Variants in MRPS23 observed in about 807,000 individuals in gnomAD.
The protein encoded by MRPS23 is mitochondrial ribosomal protein S23.
MRPS23 carries 14 observed loss-of-function variants against 19.8 expected under a neutral mutation model. The observed-to-expected ratio is 0.71, with a 90% confidence interval of 0.47 to 1.11. MRPS23 has a LOEUF of 1.11. Ranked by LOEUF, MRPS23 falls within the 50% of genes least tolerant of loss-of-function variation. The probability of loss-of-function intolerance (pLI) is 0.00; values close to 1 mark genes in which losing one functional copy is unlikely to be tolerated. For synonymous variants in MRPS23, 113 were observed against 89.7 expected, an observed-to-expected ratio of 1.26 and a Z score of -1.47; for missense variants, 242 against 236.7, an observed-to-expected ratio of 1.02 and a Z score of -0.15.
rs1435930893 is a variant in MRPS23, at chr17:57,841,211, T to C, written c.265A>G (p.Asn89Asp). The change falls in exon 3 of 5, where the codon AAT becomes GAT. Residue 89 changes from asparagine to aspartate, a missense_variant. Coordinates refer to ENST00000313608, the MANE Select transcript of MRPS23 (RefSeq NM_016070.4). ...TGACAGGTAGACTTGAAGTTTGGAT[T>C]GAATAGATCAAAAGCTCTTTGACCA... is the stretch of plus-strand genomic sequence containing the variant. ...GSGQRAFDLF[N>D]PNFKSTCQRF... 1.2e-6 allele frequency: 2 copies of C among 1,614,056 alleles called. No homozygotes were observed. The highest frequency in any genetic ancestry group is 1.7e-6 in the Non-Finnish European group (2 of 1,180,036).
intron 2 of MRPS23, among the ~76,000 whole-genome samples, chr17:57,848,208 C>G (rs7210267): frequency 0.17 from 26,261 of 152,000 alleles, 2,265 homozygotes; most frequent in Middle Eastern, 0.21. Flanking sequence ...AGGCACAAGC[C>G]ACCACATCCA....
chr17:57,839,072 G>A lies in MRPS23; in HGVS notation c.*711C>T, dbSNP rs1207108411. On this transcript the variant is annotated 3_prime_UTR_variant, in exon 5 of 5. Transcript: ENST00000313608. ...ACCTAAATTAGCTGCCTCCTTTCTT[G>A]GCAATCCTGTTATCTACACCATATG... The A allele has an allele frequency of 6.6e-6, 1 of 152,176 alleles. No individual in the cohort carries two copies. Among genetic ancestry groups the A allele is most frequent in the Non-Finnish European group, 1.5e-5 (1 of 68,030 alleles). 9.4% of individuals were successfully genotyped at this position (152,176 alleles called of 1,614,324 possible). A position where few individuals can be genotyped will look rare whatever the true frequency, so the allele number is the denominator to read the frequency against.
chr17:57,841,355 G>C, intron 2 of MRPS23, 95 bp from the exon 3 acceptor site: 1 of 1,335,136 alleles, frequency 7.5e-7, no homozygotes, highest in Non-Finnish European at 1.1e-6. Flanking sequence ...AGGCACTGAG[G>C]AGTTAAGTAC....
At chr17:57,846,455 G>A (rs2073776357) in intron 2 of MRPS23, among the ~76,000 whole-genome samples, 1 of 152,228 alleles carries the variant, frequency 6.6e-6, no homozygotes, top group Non-Finnish European at 1.5e-5. Flanking sequence ...GATGACGATG[G>A]GGGTTTTGTC....
At chr17:57,842,876 AAAAAT>A (rs1398912038) in intron 2 of MRPS23, among the ~76,000 whole-genome samples, 6 of 101,946 alleles carry the variant, frequency 5.9e-5, no homozygotes, top group Non-Finnish European at 2.0e-5. Flanking sequence ...AAAAAAAAAA[AAAAAT>A]ATATATATAT....
intron 2 of MRPS23, among the ~76,000 whole-genome samples, chr17:57,845,201 A>C (rs911576205): frequency 8.5e-5 from 13 of 152,212 alleles, no homozygotes; most frequent in African/African-American, 3.1e-4. Flanking sequence ...AAATGATTTT[A>C]ATGTATCAAT....
chr17:57,841,077 T>A, intron 3 of MRPS23, 25 bp from the exon 4 acceptor site: 3 of 1,613,254 alleles, frequency 1.9e-6, no homozygotes, highest in Non-Finnish European at 2.5e-6. Context: ...AGTCACATTT[T>A]AGGTATGTTT....
chr17:57,847,726 T>TC (rs2073785952), intron 2 of MRPS23, among the ~76,000 whole-genome samples: 2 of 149,806 alleles, frequency 1.3e-5, no homozygotes, highest in Admixed American at 1.3e-4. Flanking sequence ...AGACAGGGTC[T>TC]CCCTCTGTTG....
rs960531482 is a variant in MRPS23 at position 57,847,216 on chromosome 17, C to G, written c.215+2024G>C. Among the ~76,000 whole-genome samples, 27 of 151,380 alleles carry G rather than the reference C, an allele frequency of 1.8e-4. 1 individual carries two copies. Among genetic ancestry groups the G allele is most frequent in the African/African-American group, 6.1e-4 (25 of 41,254 alleles). On this transcript the variant is annotated intron_variant, in intron 2 of 4. Coordinates refer to ENST00000313608, the MANE Select transcript of MRPS23 (RefSeq NM_016070.4). ...GCTGAGGCAGGAGAACAGCTTGAAC[C>G]CGGGAGGTGGAGGTTGCATGGGGCT...
rs781383231 is a variant in MRPS23, at chr17:57,839,807, C to T, written c.549G>A (p.Gln183=). 31 of 1,614,032 alleles carry T rather than the reference C, an allele frequency of 1.9e-5. 1 individual carries two copies. The South Asian group carries it at 3.2e-4, about 17-fold the overall frequency. The change falls in exon 5 of 5, where the codon CAG becomes CAA. Residue 183 remains glutamine, a synonymous_variant. Coordinates refer to ENST00000313608, the MANE Select transcript of MRPS23 (RefSeq NM_016070.4). Reference sequence around the variant, plus strand: ...TTCAGGGAGGCAAGAGACCTTTCGACTGGTCTGCAGGTGCCTCCAAATGCT... The same window carrying T: ...TTCAGGGAGGCAAGAGACCTTTCGATTGGTCTGCAGGTGCCTCCAAATGCT... ...QDQHLEAPAD[Q]SKGLLPP
chr17:57,838,834 C>T lies in MRPS23; in HGVS notation c.*949G>A, dbSNP rs1027663689. 4 of 152,248 alleles carry T rather than the reference C, an allele frequency of 2.6e-5. No individual in the cohort carries two copies. Among genetic ancestry groups the T allele is most frequent in the African/African-American group, 9.7e-5 (4 of 41,444 alleles). 9.4% of individuals were successfully genotyped at this position (152,248 alleles called of 1,614,324 possible). A position where few individuals can be genotyped will look rare whatever the true frequency, so the allele number is the denominator to read the frequency against. The stretch of plus-strand genomic sequence containing the variant: ...CACAAAGAATCACTGGGTAGAAAAT[C>T]TACATGAGTTTTAAAATAGGGAATT... On this transcript the variant is annotated 3_prime_UTR_variant, in exon 5 of 5. Coordinates refer to ENST00000313608, the MANE Select transcript of MRPS23 (RefSeq NM_016070.4).
rs900956473 is a variant in MRPS23 at position 57,835,268 on chromosome 17, G to A, written c.*4515C>T. 7 of 152,204 alleles carry A rather than the reference G, an allele frequency of 4.6e-5. No homozygotes were observed. The highest frequency in any genetic ancestry group is 8.8e-5 in the Non-Finnish European group (6 of 68,044). The allele number at this position is 152,204 out of a possible 1,614,324, so 9.4% of individuals were successfully genotyped here. ...ACCATCACCTTCAACTTAGTAGGTTGAGAATTGAAGCTCTCTCCCAGGAGA... is the reference window on the plus strand; with the variant it reads ...ACCATCACCTTCAACTTAGTAGGTTAAGAATTGAAGCTCTCTCCCAGGAGA... On this transcript the variant is annotated 3_prime_UTR_variant, in exon 5 of 5. Transcript: ENST00000313608.
At chr17:57,842,885 T>TACAC (rs1401795190) in intron 2 of MRPS23, among the ~76,000 whole-genome samples, 65 of 109,324 alleles carry the variant, frequency 5.9e-4, no homozygotes, top group African/African-American at 2.0e-3. Flanking sequence ...AAAAAATATA[T>TACAC]ATATATACAC....
chr17:57,840,901 A>C (rs977669174), intron 4 of MRPS23, 25 bp downstream of exon 4: 21 of 1,612,976 alleles, frequency 1.3e-5, no homozygotes, highest in Non-Finnish European at 1.7e-5. Flanking sequence ...AAACCCAGTA[A>C]CAATTTTAAC....
Position 57,839,853 on chromosome 17 carries a change from T to A in MRPS23, c.503A>T (p.Gln168Leu). 2 of 1,614,260 alleles carry A rather than the reference T, an allele frequency of 1.2e-6. No individual in the cohort carries two copies. Among genetic ancestry groups the A allele is most frequent in the South Asian group, 2.2e-5 (2 of 91,090 alleles). Residue 168 changes from glutamine (Q) to leucine (L), a missense_variant, in exon 5 of 5, where the codon CAG becomes CTG. By Grantham distance (113) the Gln-to-Leu change is moderately radical. Coordinates refer to ENST00000313608, the MANE Select transcript of MRPS23 (RefSeq NM_016070.4). Reference sequence around the variant, plus strand: ...ATGCTGGTCCTGTGGAACTTCTTTCTGAGTCTCGTTTTCTTCCAACGCAGT... The same window carrying A: ...ATGCTGGTCCTGTGGAACTTCTTTCAGAGTCTCGTTTTCTTCCAACGCAGT... Reference protein sequence around the residue: ...PQTALEENETQKEVPQDQHLE... With the variant: ...PQTALEENETLKEVPQDQHLE...
chr17:57,845,535 A>C (rs983251852), intron 2 of MRPS23, among the ~76,000 whole-genome samples: 5 of 152,238 alleles, frequency 3.3e-5, no homozygotes, highest in South Asian at 2.1e-4. Context: ...AGGTACTAAA[A>C]GCTAATTAAC....
chr17:57,846,926 A>AT (rs901780462), intron 2 of MRPS23, among the ~76,000 whole-genome samples: 72 of 140,576 alleles, frequency 5.1e-4, no homozygotes, highest in African/African-American at 1.7e-3. Context: ...ACTATAAAAA[A>AT]TAAAAAATAA....
intron 2 of MRPS23, among the ~76,000 whole-genome samples, chr17:57,842,891 T>G (rs57322769): frequency 1.3e-5 from 1 of 76,574 alleles, no homozygotes; most frequent in Admixed American, 1.8e-4. Context: ...TATATATATA[T>G]ACACACACAC....
rs1455755830 is a variant in MRPS23 at position 57,836,982 on chromosome 17, T to C, written c.*2801A>G. ...GCGTGAGCCATGGAGCCCGGCCTGA[T>C]TTTAAGCTCTTTAAAGCCAAGAATG... On this transcript the variant is annotated 3_prime_UTR_variant, in exon 5 of 5. Transcript: ENST00000313608. 6.6e-6 allele frequency: 1 copy of C among 152,202 alleles called. No individual in the cohort carries two copies. The highest frequency in any genetic ancestry group is 1.5e-5 in the Non-Finnish European group (1 of 68,032). 9.4% of individuals were successfully genotyped at this position (152,202 alleles called of 1,614,324 possible). A position where few individuals can be genotyped will look rare whatever the true frequency, so the allele number is the denominator to read the frequency against.
Sources: gnomAD v4.1 joint callset for allele counts (sites outside exome capture counted in the v4.1 genomes callset) on GRCh38, gnomAD v4.1.1 for gene constraint, MANE v1.5 for transcripts, NCBI Gene and HGNC (gene_info 2026-07-23, HGNC 2026-07-21) for gene names.